MAP3K4: variants seen among roughly 807,000 people sequenced by gnomAD.
MAP3K4 encodes the protein mitogen-activated protein kinase kinase kinase 4.
In MAP3K4, 67 loss-of-function variants were observed where a neutral mutation model predicts 185.6. The ratio of observed to expected loss-of-function variants is 0.36; its 90% CI spans 0.30 to 0.44. The LOEUF (loss-of-function observed/expected upper bound fraction) is 0.44. MAP3K4 is among the 20% of genes least tolerant of loss of function. The probability of loss-of-function intolerance (pLI) is 1.00; values close to 1 mark genes in which losing one functional copy is unlikely to be tolerated. For synonymous variants in MAP3K4, 702 were observed against 710.4 expected, an observed-to-expected ratio of 0.99 and a Z score of 0.19; for missense variants, 1,551 against 1,995.1, an observed-to-expected ratio of 0.78 and a Z score of 4.24.
At chr6:161,038,768 T>C (rs1451834077) in intron 2 of MAP3K4, among the ~76,000 whole-genome samples, 1 of 152,224 alleles carries the variant, frequency 6.6e-6, no homozygotes, top group Admixed American at 6.5e-5. Context: ...CATCCTGGCT[T>C]GGCTGGGGCC....
chr6:160,992,345 C>A (rs1780763366), intron 1 of MAP3K4: 2 of 505,326 alleles, frequency 4.0e-6, no homozygotes, highest in Admixed American at 4.1e-5. Context: ...GTAGACTCCC[C>A]CAGCTCACCC....
rs955852572 is a variant in MAP3K4, at chr6:161,008,495, A to G, written c.152+16412A>G. Among the ~76,000 whole-genome samples, 11 of 152,174 alleles carry G rather than the reference A, an allele frequency of 7.2e-5. No individual in the cohort carries two copies. The highest frequency in any genetic ancestry group is 2.7e-4 in the African/African-American group (11 of 41,444). ...TAATGGGAGCTGTATAAGCGTTGACATAATGTGGTAATAGATGAAACAGGA... is the reference window on the plus strand; with the variant it reads ...TAATGGGAGCTGTATAAGCGTTGACGTAATGTGGTAATAGATGAAACAGGA... On this transcript the variant is annotated intron_variant, in intron 1 of 26. Transcript: ENST00000392142. This position sits in a 1 kb window ranked among gnomAD's most constrained non-coding sequence, Gnocchi z 4.1.
chr6:161,067,289 G>T lies in MAP3K4; in HGVS notation c.1708-3319G>T. The T allele has an allele frequency of 2.3e-6, 1 of 435,110 alleles. No individual in the cohort carries two copies. The highest frequency in any genetic ancestry group is 2.0e-5 in the African/African-American group (1 of 49,288). The allele number at this position is 435,110 out of a possible 1,614,324, so 27.0% of individuals were successfully genotyped here. A position where few individuals can be genotyped will look rare whatever the true frequency, so the allele number is the denominator to read the frequency against. On this transcript the variant is annotated intron_variant, in intron 3 of 26. Transcript: ENST00000392142. The surrounding 1 kb of genome is among the most constrained non-coding windows in gnomAD (Gnocchi z 6.3). ...ACTCGAAGCAGGGATGGGGCTTGCAGGTCACAGGTAGGTAAGAGACAAAAC... is the reference window on the plus strand; with the variant it reads ...ACTCGAAGCAGGGATGGGGCTTGCATGTCACAGGTAGGTAAGAGACAAAAC...
chr6:161,029,486 C>A (rs1012087661), intron 1 of MAP3K4, among the ~76,000 whole-genome samples: 1 of 152,162 alleles, frequency 6.6e-6, no homozygotes, highest in African/African-American at 2.4e-5. Context: ...CATACTTTGC[C>A]TAGACCAGAC....
At chr6:161,028,905 G>A (rs527496616) in intron 1 of MAP3K4, among the ~76,000 whole-genome samples, 23 of 152,260 alleles carry the variant, frequency 1.5e-4, no homozygotes, top group South Asian at 6.2e-4. Context: ...AAATTGACTC[G>A]TGTAATATGG....
chr6:161,112,634 C>A lies in MAP3K4; in HGVS notation c.4520-34C>A. ...TTAATACATGTTGATGTGTTTATAACCCATTACTCTCAACATATCTGTGAC... is the reference window on the plus strand; with the variant it reads ...TTAATACATGTTGATGTGTTTATAAACCATTACTCTCAACATATCTGTGAC... On this transcript the variant is annotated intron_variant, in intron 24 of 26. Coordinates refer to ENST00000392142, the MANE Select transcript of MAP3K4 (RefSeq NM_005922.4). The surrounding 1 kb of genome is among the most constrained non-coding windows in gnomAD (Gnocchi z 5.1). 7.3e-7 allele frequency: 1 copy of A among 1,368,834 alleles called. No homozygotes were observed. Among genetic ancestry groups the A allele is most frequent in the Non-Finnish European group, 9.9e-7 (1 of 1,011,150 alleles). The allele number at this position is 1,368,834 out of a possible 1,614,324, so 84.8% of individuals were successfully genotyped here. A position where few individuals can be genotyped will look rare whatever the true frequency, so the allele number is the denominator to read the frequency against.
rs146269212 is a variant in MAP3K4 at position 161,107,008 on chromosome 6, C to G, written c.4048+303C>G. ...CAGTGGAGAGGTACCAAAATTTGAC[C>G]CATTTGTTCTAGTTTCTCTCTCTCT... On this transcript the variant is annotated intron_variant, in intron 20 of 26. Transcript: ENST00000392142. This position sits in a 1 kb window ranked among gnomAD's most constrained non-coding sequence, Gnocchi z 6.2. Among the ~76,000 whole-genome samples, 105 of 150,572 alleles carry G rather than the reference C, an allele frequency of 7.0e-4. 1 individual carries two copies. Among genetic ancestry groups the G allele is most frequent in the African/African-American group, 2.2e-3 (91 of 40,924 alleles).
rs1239635772 is a variant in MAP3K4 at position 161,064,437 on chromosome 6, A to G, written c.1708-6171A>G. ...ACATTAGATAACCCATTATTTTCCA[A>G]CTTCTTAAACTGCTGCCTTTTTTTT... On this transcript the variant is annotated intron_variant, in intron 3 of 26. Coordinates refer to ENST00000392142, the MANE Select transcript of MAP3K4 (RefSeq NM_005922.4). The surrounding 1 kb of genome is among the most constrained non-coding windows in gnomAD (Gnocchi z 4.3). Among the ~76,000 whole-genome samples the G allele has an allele frequency of 2.0e-5, 3 of 150,278 alleles. No homozygotes were observed. The highest frequency in any genetic ancestry group is 4.2e-4 in the South Asian group (2 of 4,802).
rs942512162 is a variant in MAP3K4 at position 161,085,507 on chromosome 6, G to A, written c.2373-872G>A. Among the ~76,000 whole-genome samples the A allele has an allele frequency of 1.1e-4, 17 of 152,250 alleles. No individual in the cohort carries two copies. The East Asian group carries it at 2.9e-3, about 26-fold the overall frequency. ...AGCAAGGTCATATGAGTCAAACTTG[G>A]CGAAAGCTCATATAGAACTGACTTC... On this transcript the variant is annotated intron_variant, in intron 7 of 26. Coordinates refer to ENST00000392142, the MANE Select transcript of MAP3K4 (RefSeq NM_005922.4).
chr6:161,036,705 C>A (rs1783180936), intron 2 of MAP3K4, among the ~76,000 whole-genome samples: 1 of 152,150 alleles, frequency 6.6e-6, no homozygotes, highest in African/African-American at 2.4e-5. Flanking sequence ...CTTAACACCT[C>A]AAAAGAATTA....
chr6:161,002,328 T>C (rs1240101964), intron 1 of MAP3K4, among the ~76,000 whole-genome samples: 3 of 152,154 alleles, frequency 2.0e-5, no homozygotes, highest in Non-Finnish European at 4.4e-5. Flanking sequence ...TTAAATGTTA[T>C]ACACTGTAAG....
In MAP3K4 at chr6:161,073,724, C is replaced by T. The variant is rs1785050701; in HGVS notation, c.2097+112C>T. 3 of 1,079,078 alleles carry T rather than the reference C, an allele frequency of 2.8e-6. No individual in the cohort carries two copies. The highest frequency in any genetic ancestry group is 3.9e-6 in the Non-Finnish European group (3 of 767,528). The allele number at this position is 1,079,078 out of a possible 1,614,324, so 66.8% of individuals were successfully genotyped here. ...GCGTTGGCATACATATTCAGATAAACTTCTCTAGTAATGAATTATAGAAAT... is the reference window on the plus strand; with the variant it reads ...GCGTTGGCATACATATTCAGATAAATTTCTCTAGTAATGAATTATAGAAAT... On this transcript the variant is annotated intron_variant, in intron 5 of 26. Coordinates refer to ENST00000392142, the MANE Select transcript of MAP3K4 (RefSeq NM_005922.4). This position sits in a 1 kb window ranked among gnomAD's most constrained non-coding sequence, Gnocchi z 4.2.
In MAP3K4 at chr6:161,054,437, G is replaced by A. The variant is rs565383925; in HGVS notation, c.1707+4458G>A. On this transcript the variant is annotated intron_variant, in intron 3 of 26. Coordinates refer to ENST00000392142, the MANE Select transcript of MAP3K4 (RefSeq NM_005922.4). The surrounding 1 kb of genome is among the most constrained non-coding windows in gnomAD (Gnocchi z 4.2). ...CCCAAAGTGCTGGGATGATAGGTGT[G>A]AGCCACCGCGCCCGGCCCAAACTAA... Among the ~76,000 whole-genome samples the A allele has an allele frequency of 2.0e-5, 3 of 152,244 alleles. No individual in the cohort carries two copies. The South Asian group carries it at 6.2e-4, about 32-fold the overall frequency.
In MAP3K4 at chr6:161,088,155, T is replaced by G. The variant is rs1785835014; in HGVS notation, c.2823+201T>G. Among the ~76,000 whole-genome samples, 1 of 152,234 alleles carries G rather than the reference T, an allele frequency of 6.6e-6. No individual in the cohort carries two copies. The highest frequency in any genetic ancestry group is 1.5e-5 in the Non-Finnish European group (1 of 68,044). On this transcript the variant is annotated intron_variant, in intron 10 of 26. Coordinates refer to ENST00000392142, the MANE Select transcript of MAP3K4 (RefSeq NM_005922.4). The surrounding 1 kb of genome is among the most constrained non-coding windows in gnomAD (Gnocchi z 4.5). ...ATCATTCTGTTAAGTTAAATTATAC[T>G]GGAATACTTGAAATAAACCATCTAT...
chr6:161,090,621 TGC>T (rs2114865320), intron 11 of MAP3K4, among the ~76,000 whole-genome samples: 1 of 60,724 alleles, frequency 1.6e-5, no homozygotes, highest in Non-Finnish European at 4.1e-5. Context: ...AGGGCCGTCC[TGC>T]GCATTGTAGG....
At chr6:161,059,498 G>T (rs1784395010) in intron 3 of MAP3K4, among the ~76,000 whole-genome samples, 1 of 151,998 alleles carries the variant, frequency 6.6e-6, no homozygotes, top group African/African-American at 2.4e-5. Context: ...TTGGCCATTT[G>T]CATGTCTTTT....
rs1785599069 is a variant in MAP3K4 at position 161,084,449 on chromosome 6, A to G, written c.2256-52A>G. On this transcript the variant is annotated intron_variant, in intron 6 of 26. Coordinates refer to ENST00000392142, the MANE Select transcript of MAP3K4 (RefSeq NM_005922.4). This position sits in a 1 kb window ranked among gnomAD's most constrained non-coding sequence, Gnocchi z 4.6. ...AAGTTTCTCAGTCAAGAATTAGGCT[A>G]TGAGTAGGGACAGTTTTCTTCTCTG... is the stretch of plus-strand genomic sequence containing the variant. 5.8e-6 allele frequency: 5 copies of G among 865,162 alleles called. No homozygotes were observed. Among genetic ancestry groups the G allele is most frequent in the South Asian group, 5.4e-5 (4 of 74,358 alleles). 53.6% of individuals were successfully genotyped at this position (865,162 alleles called of 1,614,324 possible).
rs780664994 is a variant in MAP3K4, at chr6:161,070,586, G to A, written c.1708-22G>A. On this transcript the variant is annotated intron_variant, in intron 3 of 26. Coordinates refer to ENST00000392142, the MANE Select transcript of MAP3K4 (RefSeq NM_005922.4). This position sits in a 1 kb window ranked among gnomAD's most constrained non-coding sequence, Gnocchi z 4.5. The stretch of plus-strand genomic sequence containing the variant: ...TGTCTCGTATGCTCTTTTAATCTGT[G>A]CCTGTTGAATTTTTGTTATAGTTTT... 6 of 1,609,974 alleles carry A rather than the reference G, an allele frequency of 3.7e-6. No homozygotes were observed. The highest frequency in any genetic ancestry group is 5.1e-6 in the Non-Finnish European group (6 of 1,178,346).
intron 6 of MAP3K4, among the ~76,000 whole-genome samples, chr6:161,083,952 C>G (rs1785579641): frequency 6.6e-6 from 1 of 152,204 alleles, no homozygotes; most frequent in South Asian, 2.1e-4. Context: ...TTTCCTTGAA[C>G]ATCCTAAGTC....
Sources: gnomAD v4.1 joint callset for allele counts (sites outside exome capture counted in the v4.1 genomes callset) on GRCh38, gnomAD v4.1.1 for gene constraint, Gnocchi (gnomAD v3.1) non-coding constraint, MANE v1.5 for transcripts, NCBI Gene and HGNC (gene_info 2026-07-23, HGNC 2026-07-21) for gene names.